The following ACOXL variants were observed in gnomAD, a reference collection of about 807,000 sequenced individuals.
ACOXL encodes the protein acyl-coenzyme A oxidase-like protein.
In ACOXL, 70 loss-of-function variants were observed where a neutral mutation model predicts 71.9. That is an observed-to-expected ratio of 0.97 (90% CI 0.80 to 1.19). The LOEUF is 1.19. Ranked by LOEUF, ACOXL falls within the 50% of genes most tolerant of loss-of-function variation. The pLI is 0.00. For missense variants in ACOXL, 703 were observed against 736.3 expected (o/e 0.95, Z 0.52); for synonymous variants, 253 against 281.6 (o/e 0.90, Z 1.02).
chr2:111,022,352 C>T (rs578164504), intron 14 of ACOXL, among the ~76,000 whole-genome samples: 46 of 150,780 alleles, frequency 3.1e-4, no homozygotes, highest in African/African-American at 1.0e-3. Flanking sequence ...GTGACAAGAG[C>T]GAAACTCCAT....
At chr2:111,068,790 A>G (rs1259893208) in intron 16 of ACOXL, among the ~76,000 whole-genome samples, 2 of 152,098 alleles carry the variant, frequency 1.3e-5, no homozygotes, top group Non-Finnish European at 2.9e-5. Flanking sequence ...CTGTTTTCCC[A>G]TAGGATTTAG....
chr2:110,827,737 AGGTGGTT>A (rs1197322768), intron 9 of ACOXL, among the ~76,000 whole-genome samples: 1 of 151,986 alleles, frequency 6.6e-6, no homozygotes. Context: ...CTGGAAAGGA[AGGTGGTT>A]GGGCATGGGG....
chr2:110,925,758 A>T (rs1272170646), intron 11 of ACOXL, among the ~76,000 whole-genome samples: 2 of 150,972 alleles, frequency 1.3e-5, no homozygotes, highest in Non-Finnish European at 2.9e-5. Flanking sequence ...TTTCCTTTGC[A>T]TTCACAACTT....
intron 12 of ACOXL, among the ~76,000 whole-genome samples, chr2:110,978,433 C>G (rs2062555525): frequency 6.6e-6 from 1 of 152,168 alleles, no homozygotes; most frequent in South Asian, 2.1e-4. Context: ...CACATTCAAA[C>G]CGTAGCAGAG....
At chr2:111,058,838 C>T (rs1302128295) in intron 16 of ACOXL, among the ~76,000 whole-genome samples, 1 of 152,126 alleles carries the variant, frequency 6.6e-6, no homozygotes, top group Non-Finnish European at 1.5e-5. Flanking sequence ...GAAAAATGGC[C>T]ACCATGAAGG....
intron 1 of ACOXL, among the ~76,000 whole-genome samples, chr2:110,740,929 T>G (rs1023627939): frequency 6.6e-6 from 1 of 152,224 alleles, no homozygotes; most frequent in Non-Finnish European, 1.5e-5. Flanking sequence ...CAGTTGTCCT[T>G]GGTCCTGTCT....
chr2:110,844,795 C>T lies in ACOXL; in HGVS notation c.788+3390C>T, dbSNP rs557757720. Among the ~76,000 whole-genome samples the T allele has an allele frequency of 2.0e-5, 3 of 152,074 alleles. No individual in the cohort carries two copies. In the East Asian group the frequency reaches 5.8e-4, roughly 29 times the overall value. On this transcript the variant is annotated intron_variant, in intron 10 of 17. Coordinates refer to ENST00000439055, the MANE Select transcript of ACOXL (RefSeq NM_001142807.4). ...CTCCTGACCTCAAGGGATCCGCCCA[C>T]TTTTGCCTCCCAAAGTGCTGGGATT...
chr2:110,745,735 G>C (rs1025553089), intron 1 of ACOXL, among the ~76,000 whole-genome samples: 7 of 152,196 alleles, frequency 4.6e-5, no homozygotes, highest in Admixed American at 3.3e-4. Flanking sequence ...CCCGTGCAAG[G>C]AACCAATGTC....
At chr2:110,835,098 G>A (rs569170683) in intron 9 of ACOXL, among the ~76,000 whole-genome samples, 1 of 152,278 alleles carries the variant, frequency 6.6e-6, no homozygotes, top group Non-Finnish European at 1.5e-5. Flanking sequence ...TGTTAGTTCT[G>A]TGTTGATTTC....
chr2:111,082,637 G>A (rs71431148), intron 16 of ACOXL, among the ~76,000 whole-genome samples: 12,932 of 151,776 alleles, frequency 0.085, 645 homozygotes, highest in Non-Finnish European at 0.11. Context: ...CTAGATTCCA[G>A]TGATCTAGAA....
intron 10 of ACOXL, among the ~76,000 whole-genome samples, chr2:110,897,480 A>G (rs2059059556): frequency 6.6e-6 from 1 of 152,212 alleles, no homozygotes; most frequent in Admixed American, 6.5e-5. Flanking sequence ...GAGTCCTCAC[A>G]TGGCAGAAGG....
At chr2:110,982,713 A>T (rs4849316) in intron 12 of ACOXL, among the ~76,000 whole-genome samples, 70,699 of 152,036 alleles carry the variant, frequency 0.47, 17,683 homozygotes, top group East Asian at 0.7. Flanking sequence ...CAGGTAAACA[A>T]GAATATTATT....
chr2:111,079,421 C>T (rs71431142), intron 16 of ACOXL, among the ~76,000 whole-genome samples: 12,704 of 152,216 alleles, frequency 0.083, 633 homozygotes, highest in Non-Finnish European at 0.11. Context: ...TGCATGAAGG[C>T]CTCAGGCTGC....
chr2:110,817,075 C>T (rs1235874119), intron 9 of ACOXL, among the ~76,000 whole-genome samples: 1 of 152,236 alleles, frequency 6.6e-6, no homozygotes, highest in Non-Finnish European at 1.5e-5. Flanking sequence ...GTGCGAGGCA[C>T]ACAGGGGGCC....
intron 9 of ACOXL, among the ~76,000 whole-genome samples, chr2:110,813,496 G>A (rs796075865): frequency 4.3e-4 from 65 of 152,258 alleles, no homozygotes; most frequent in African/African-American, 1.5e-3. Context: ...GCAGCTGTGA[G>A]GAGCTTCCCA....
At chr2:111,021,150 A>G (rs774605367) in intron 14 of ACOXL, among the ~76,000 whole-genome samples, 6 of 152,166 alleles carry the variant, frequency 3.9e-5, no homozygotes, top group Non-Finnish European at 7.3e-5. Context: ...AGGCTGGGAC[A>G]GGCAAGGGTG....
At chr2:110,902,784 G>A (rs1311912455) in intron 10 of ACOXL, among the ~76,000 whole-genome samples, 1 of 152,190 alleles carries the variant, frequency 6.6e-6, no homozygotes, top group Non-Finnish European at 1.5e-5. Context: ...CCAGAGAAGG[G>A]GGAGAAACAG....
At chr2:110,943,805 G>A (rs946311334) in intron 12 of ACOXL, among the ~76,000 whole-genome samples, 13 of 152,094 alleles carry the variant, frequency 8.5e-5, no homozygotes, top group Admixed American at 8.5e-4. Context: ...ACCCAGGTAT[G>A]TCCTGGCCTG....
chr2:110,793,352 G>C (rs1043472792), intron 3 of ACOXL, among the ~76,000 whole-genome samples: 2 of 152,220 alleles, frequency 1.3e-5, no homozygotes, highest in African/African-American at 4.8e-5. Context: ...TAGATCCTGA[G>C]AGGACAAAGC....
Sources: gnomAD v4.1 joint callset for allele counts (sites outside exome capture counted in the v4.1 genomes callset) on GRCh38, gnomAD v4.1.1 for gene constraint, MANE v1.5 for transcripts, NCBI Gene and HGNC (gene_info 2026-07-23, HGNC 2026-07-21) for gene names.